Variants in TRRAP observed in about 807,000 individuals in gnomAD.
The protein encoded by TRRAP is transformation/transcription domain-associated protein.
Under a neutral mutation model 438.8 loss-of-function variants are expected in TRRAP, and 41 were observed. The ratio of observed to expected loss-of-function variants is 0.09; its 90% CI spans 0.07 to 0.12. The LOEUF is 0.12. Ranked by LOEUF, TRRAP falls within the 10% of genes least tolerant of loss-of-function variation. TRRAP has a pLI of 1.00. For missense variants in TRRAP, 3,122 were observed against 5,055.1 expected (o/e 0.62, Z 11.60); for synonymous variants, 1,994 against 1,962.9 (o/e 1.02, Z -0.42).
intron 52 of TRRAP, among the ~76,000 whole-genome samples, chr7:98,970,846 A>C (rs1487507470): frequency 6.6e-6 from 1 of 152,150 alleles, no homozygotes. Flanking sequence ...GTCTCTGCCT[A>C]GTCCCGGGAC....
chr7:98,937,890 T>A (rs1790625633), intron 30 of TRRAP, 70 bp downstream of exon 30: 1 of 1,462,680 alleles, frequency 6.8e-7, no homozygotes. Flanking sequence ...AAATAAATAA[T>A]GCAGCTGGGC....
chr7:99,010,049 G>A (rs1180697055), intron 70 of TRRAP, among the ~76,000 whole-genome samples: 1 of 151,920 alleles, frequency 6.6e-6, no homozygotes, highest in Non-Finnish European at 1.5e-5. Context: ...GACCACACCT[G>A]GCTAATTTTT....
At chr7:98,967,258 T>A in intron 50 of TRRAP, 96 bp downstream of exon 50, 1 of 1,464,242 alleles carries the variant, frequency 6.8e-7, no homozygotes, top group Non-Finnish European at 9.2e-7. Flanking sequence ...CTTTTACTCA[T>A]ACCTAAGTTT....
At position 98,984,837 on chromosome 7, in the gene TRRAP, A is replaced by G. The variant is rs933626795; in HGVS notation, c.9289-107A>G. ...CAAATCTTTTGTCAATTTAAAGTAC[A>G]TTGGTCAATGACTCATAGGACTTAC... is the stretch of plus-strand genomic sequence containing the variant. On this transcript the variant is annotated intron_variant, in intron 61 of 72. Coordinates refer to ENST00000456197, the MANE Select transcript of TRRAP (RefSeq NM_001375524.1). The G allele has an allele frequency of 8.0e-6, 5 of 627,202 alleles. No individual in the cohort carries two copies. In the Admixed American group the frequency reaches 8.8e-5, roughly 11 times the overall value. 38.9% of individuals were successfully genotyped at this position (627,202 alleles called of 1,614,324 possible). A position where few individuals can be genotyped will look rare whatever the true frequency, so the allele number is the denominator to read the frequency against.
At chr7:98,930,967 C>A in intron 25 of TRRAP, 137 bp downstream of exon 25, 1 of 1,175,642 alleles carries the variant, frequency 8.5e-7, no homozygotes, top group Non-Finnish European at 1.2e-6. Flanking sequence ...ATTTCAGCAT[C>A]TTCACTAAAA....
rs1554407953 is a variant in TRRAP, at chr7:98,908,777, C to T, written c.1165C>T (p.His389Tyr). 1 of 1,579,940 alleles carries T rather than the reference C, an allele frequency of 6.3e-7. No homozygotes were observed. Among genetic ancestry groups the T allele is most frequent in the South Asian group, 1.2e-5 (1 of 86,686 alleles). Reference sequence around the variant, plus strand: ...CGACCTCGTGCACCATGTCCGCCAGCACCTGCCCCTCAGCGACCTCTCCCT... The same window carrying T: ...CGACCTCGTGCACCATGTCCGCCAGTACCTGCCCCTCAGCGACCTCTCCCT... ...LADLVHHVRQ[H>Y]LPLSDLSLAV... The change falls in exon 14 of 73, where the codon CAC becomes TAC. Residue 389 changes from histidine to tyrosine, a missense_variant. His to Tyr is a moderately conservative substitution (Grantham distance 83). Around this residue, in one of 24 missense-constraint regions of TRRAP, gnomAD observed 343 missense variants for 564.0 expected, o/e 0.61. Transcript: ENST00000456197. The surrounding 1 kb of genome is among the most constrained non-coding windows in gnomAD (Gnocchi z 4.1).
At chr7:98,934,240 G>C (rs542375602) in intron 27 of TRRAP, among the ~76,000 whole-genome samples, 1 of 152,308 alleles carries the variant, frequency 6.6e-6, no homozygotes, top group African/African-American at 2.4e-5. Flanking sequence ...CACTTGCAGA[G>C]GCATTGTCAG....
At chr7:99,008,098 A>T (rs187837363) in intron 69 of TRRAP, among the ~76,000 whole-genome samples, 37 of 152,322 alleles carry the variant, frequency 2.4e-4, no homozygotes, top group South Asian at 6.2e-4. Context: ...TGCTGTGATT[A>T]CAGGCGTGAG....
intron 46 of TRRAP, 21 bp downstream of exon 46, chr7:98,961,495 G>A (rs1171544900): frequency 1.9e-6 from 3 of 1,609,380 alleles, no homozygotes; most frequent in Non-Finnish European, 2.6e-6. Flanking sequence ...TTTCCCACCG[G>A]TGCTTTTCTT....
intron 39 of TRRAP, among the ~76,000 whole-genome samples, chr7:98,952,100 G>C (rs1276472478): frequency 6.6e-6 from 1 of 152,192 alleles, no homozygotes; most frequent in African/African-American, 2.4e-5. Flanking sequence ...GATTATAGTG[G>C]AAGACTTCAG....
chr7:98,983,211 C>T lies in TRRAP; in HGVS notation c.8827-53C>T, dbSNP rs533855345. 1,242 of 1,489,752 alleles carry T rather than the reference C, an allele frequency of 8.3e-4. 8 individuals carry two copies. The highest frequency in any genetic ancestry group is 3.8e-3 in the South Asian group (289 of 76,890). 92.3% of individuals were successfully genotyped at this position (1,489,752 alleles called of 1,614,324 possible). A position where few individuals can be genotyped will look rare whatever the true frequency, so the allele number is the denominator to read the frequency against. Reference sequence around the variant, plus strand: ...CCAATGGACTCTGGTGTGTTTTTCCCGTTTGATCTTTACTGACATTTACCG... The same window carrying T: ...CCAATGGACTCTGGTGTGTTTTTCCTGTTTGATCTTTACTGACATTTACCG... On this transcript the variant is annotated intron_variant, in intron 59 of 72. Coordinates refer to ENST00000456197, the MANE Select transcript of TRRAP (RefSeq NM_001375524.1).
Position 98,983,354 on chromosome 7 carries a change from G to A in TRRAP, c.8917G>A (p.Asp2973Asn). The A allele has an allele frequency of 2.5e-6, 4 of 1,614,186 alleles. No homozygotes were observed. The highest frequency in any genetic ancestry group is 3.4e-6 in the Non-Finnish European group (4 of 1,180,040). ...CCTGGGAAGGAACAACAGCCTGCACGACATGAAGACGGTGGTGAAGACCTG... is the reference window on the plus strand; with the variant it reads ...CCTGGGAAGGAACAACAGCCTGCACAACATGAAGACGGTGGTGAAGACCTG... ...TNLGRNNSLHDMKTVVKTWRN... is the reference protein window; with the variant it reads ...TNLGRNNSLHNMKTVVKTWRN... The change falls in exon 60 of 73, where the codon GAC (aspartate) becomes AAC (asparagine). Residue 2973 changes from aspartate to asparagine, a missense_variant. Physicochemically the swap from Asp to Asn is conservative, Grantham distance 23 (BLOSUM62 1). Around this residue, in one of 24 missense-constraint regions of TRRAP, gnomAD observed 129 missense variants for 279.2 expected, o/e 0.46. Transcript: ENST00000456197.
chr7:98,945,872 CT>C, intron 32 of TRRAP, 57 bp from the exon 33 acceptor site: 1 of 1,567,794 alleles, frequency 6.4e-7, no homozygotes, highest in Non-Finnish European at 8.6e-7. Context: ...CTTTTCTTTT[CT>C]TTTCTTTTTA....
intron 51 of TRRAP, among the ~76,000 whole-genome samples, chr7:98,968,708 T>G (rs1239378443): frequency 6.6e-6 from 1 of 152,198 alleles, no homozygotes; most frequent in East Asian, 1.9e-4. Flanking sequence ...TAGTTCTCTT[T>G]GATGAGAAGA....
intron 47 of TRRAP, 51 bp downstream of exon 47, chr7:98,962,478 C>CCCCGCTCACTGGA: frequency 3.7e-6 from 6 of 1,611,692 alleles, no homozygotes; most frequent in Non-Finnish European, 5.1e-6. Flanking sequence ...TGGCCTCTTT[C>CCCCGCTCACTGGA]CCCGCTCACT....
intron 33 of TRRAP, among the ~76,000 whole-genome samples, chr7:98,946,279 TCA>T (rs34349273): frequency 0.7 from 106,119 of 152,020 alleles, 41,534 homozygotes; most frequent in Non-Finnish European, 0.87. Flanking sequence ...GAGAGGAAAC[TCA>T]CACAGAGTAT....
In TRRAP at chr7:98,904,791, A is replaced by G. The variant is rs1266576509; in HGVS notation, c.1036+1274A>G. 1.0e-3 allele frequency among the ~76,000 whole-genome samples: 157 copies of G among 152,372 alleles called. 5 individuals carry two copies. Among genetic ancestry groups the G allele is most frequent in the Admixed American group, 0.01 (157 of 15,306 alleles). The stretch of plus-strand genomic sequence containing the variant: ...CCTTTTAGTAGTTCCTGAGACTTAA[A>G]TAGACATTAGCATCACATCTCAAAG... On this transcript the variant is annotated intron_variant, in intron 12 of 72. Coordinates refer to ENST00000456197, the MANE Select transcript of TRRAP (RefSeq NM_001375524.1).
chr7:98,947,944 G>A (rs1356248778), intron 33 of TRRAP, among the ~76,000 whole-genome samples: 5 of 152,200 alleles, frequency 3.3e-5, no homozygotes, highest in Non-Finnish European at 7.3e-5. Flanking sequence ...GAGCACGCAT[G>A]ACAGCAAACA....
At chr7:98,949,985 T>C in intron 37 of TRRAP, 79 bp from the exon 38 acceptor site, 1 of 1,589,950 alleles carries the variant, frequency 6.3e-7, no homozygotes, top group Non-Finnish European at 8.6e-7. Context: ...GTCTCTGAGC[T>C]GTTTAAAGGC....
Sources: gnomAD v4.1 joint callset for allele counts (sites outside exome capture counted in the v4.1 genomes callset) on GRCh38, gnomAD v4.1.1 for gene constraint, gnomAD v4.1.1 regional missense constraint, Gnocchi (gnomAD v3.1) non-coding constraint, MANE v1.5 for transcripts, NCBI Gene and HGNC (gene_info 2026-07-23, HGNC 2026-07-21) for gene names.